Variants in MAP3K15 observed in about 807,000 individuals in gnomAD.
MAP3K15 encodes MAPK/ERK kinase kinase 15.
Under a neutral mutation model 99.5 loss-of-function variants are expected in MAP3K15, and 124 were observed. That is an observed-to-expected ratio of 1.25 (90% CI 1.08 to 1.45). The LOEUF (loss-of-function observed/expected upper bound fraction) is 1.45, where lower values mean the gene tolerates loss of function less well. MAP3K15 is among the 40% of genes most tolerant of loss of function. The pLI, the probability that MAP3K15 is intolerant of heterozygous loss-of-function variation, is 0.00. For missense variants in MAP3K15, 1,242 were observed against 1,079.7 expected, an observed-to-expected ratio of 1.15 and a Z score of -2.11; for synonymous variants, 494 against 439.6, an observed-to-expected ratio of 1.12 and a Z score of -1.55.
chrX:19,478,800 T>C (rs1479773169), intron 3 of MAP3K15, among the ~76,000 whole-genome samples: 1 of 109,326 alleles, frequency 9.1e-6, no homozygotes, highest in Non-Finnish European at 1.9e-5. Context: ...CTTGGAAATT[T>C]AACTCTGCTT....
chrX:19,372,634 C>G lies in MAP3K15; in HGVS notation c.3108+19G>C, dbSNP rs56058646. The G allele has an allele frequency of 6.4e-3, 7,573 of 1,186,116 alleles. 22 individuals are homozygous for G. Among genetic ancestry groups the G allele is most frequent in the Non-Finnish European group, 7.5e-3 (6,605 of 879,767 alleles). Reference sequence around the variant, plus strand: ...GCAGAGGGAGCGGGAAGAGTCGGTGCCCTCCCTCGGGCAAATACCTGGGCC... The same window carrying G: ...GCAGAGGGAGCGGGAAGAGTCGGTGGCCTCCCTCGGGCAAATACCTGGGCC... On this transcript the variant is annotated intron_variant, in intron 22 of 28. Transcript: ENST00000338883.
At chrX:19,462,094 AAG>A (rs1028739086) in intron 4 of MAP3K15, among the ~76,000 whole-genome samples, 7 of 111,204 alleles carry the variant, frequency 6.3e-5, no homozygotes, top group African/African-American at 2.3e-4. Flanking sequence ...GTTCATTAAA[AAG>A]AGAGTAAGCT....
chrX:19,458,024 G>C (rs191265367), intron 5 of MAP3K15, among the ~76,000 whole-genome samples: 42 of 112,339 alleles, frequency 3.7e-4, no homozygotes, highest in African/African-American at 1.3e-3. Context: ...TCTCAGCCAA[G>C]TCCCCTCTTA....
At chrX:19,421,642 C>CCTGCAT (rs2063786287) in intron 9 of MAP3K15, among the ~76,000 whole-genome samples, 3 of 94,686 alleles carry the variant, frequency 3.2e-5, no homozygotes, top group African/African-American at 1.1e-4. Context: ...CCCCATCAAG[C>CCTGCAT]TACCAATGAC....
Position 19,485,308 on chromosome X carries a change from CAAAAAAAAAAAAA to C in MAP3K15, c.525+1161_525+1173del, listed in dbSNP as rs368987947. On this transcript the variant is annotated intron_variant, in intron 3 of 28. Transcript: ENST00000338883. ...TGGCTGACAGAGCGAGACTCTGTCT[CAAAAAAAAAAAAA>C]AAAAAAAAAAAAAAAAAAGTCAAGC... Among the ~76,000 whole-genome samples, 11 of 7,934 alleles carry C rather than the reference CAAAAAAAAAAAAA, an allele frequency of 1.4e-3. No homozygotes were observed. The East Asian group carries it at 0.028, about 20-fold the overall frequency. 6.9% of individuals were successfully genotyped at this position (7,934 alleles called of 115,157 possible). A position where few individuals can be genotyped will look rare whatever the true frequency, so the allele number is the denominator to read the frequency against.
chrX:19,481,471 G>A (rs2064289553), intron 3 of MAP3K15, among the ~76,000 whole-genome samples: 1 of 110,759 alleles, frequency 9.0e-6, no homozygotes, highest in African/African-American at 3.3e-5. Context: ...CCTTGGTTTG[G>A]GCTAAGAGTT....
intron 9 of MAP3K15, among the ~76,000 whole-genome samples, chrX:19,423,160 A>G (rs746890962): frequency 1.8e-5 from 2 of 111,019 alleles, no homozygotes; most frequent in East Asian, 5.6e-4. Flanking sequence ...CATGTACCCT[A>G]AAACTTAAAG....
At chrX:19,361,845 G>A in intron 26 of MAP3K15, 1 of 274,241 alleles carries the variant, frequency 3.6e-6, no homozygotes, top group Admixed American at 6.1e-5. Flanking sequence ...CACTTTAAAT[G>A]CTTATCCCCA....
In MAP3K15 at chrX:19,392,424, C is replaced by T. The variant is rs749076998; in HGVS notation, c.2244G>A (p.Pro748=). The change falls in exon 17 of 29, where the codon CCG becomes CCA. Residue 748 remains proline, a synonymous_variant. Coordinates refer to ENST00000338883, the MANE Select transcript of MAP3K15 (RefSeq NM_001001671.4). The part of the protein sequence containing the change: ...LRSKWGPMKE[P]TIKFYTKQIL... The stretch of plus-strand genomic sequence containing the variant: ...TCTGTTTGGTGTAAAACTTGATTGT[C>T]GGTTCCTTCATCGGCCCCCATTTGG... 5.8e-6 allele frequency: 7 copies of T among 1,208,709 alleles called. No homozygotes were observed. Among genetic ancestry groups the T allele is most frequent in the Admixed American group, 2.2e-5 (1 of 45,630 alleles).
At chrX:19,368,660 C>T (rs1308378241) in intron 25 of MAP3K15, among the ~76,000 whole-genome samples, 1 of 111,372 alleles carries the variant, frequency 9.0e-6, no homozygotes, top group East Asian at 2.8e-4. Flanking sequence ...AAGTGCTAAC[C>T]AACCCCCAAA....
intron 3 of MAP3K15, among the ~76,000 whole-genome samples, chrX:19,479,834 AGT>A (rs2064276743): frequency 8.9e-6 from 1 of 112,407 alleles, no homozygotes; most frequent in Admixed American, 9.5e-5. Flanking sequence ...AGTATAAAAT[AGT>A]GTAAGAATTA....
chrX:19,459,755 C>G (rs1389134561), intron 5 of MAP3K15, among the ~76,000 whole-genome samples: 2 of 112,169 alleles, frequency 1.8e-5, no homozygotes, highest in African/African-American at 6.5e-5. Context: ...GAGGCTGAGG[C>G]AGGAGAACAG....
chrX:19,500,218 G>A (rs1301346644), intron 1 of MAP3K15, among the ~76,000 whole-genome samples: 1 of 111,783 alleles, frequency 8.9e-6, no homozygotes, highest in Non-Finnish European at 1.9e-5. Context: ...CTGCACTCCA[G>A]CCTGGGTGAC....
Position 19,460,119 on chromosome X carries a change from G to A in MAP3K15, c.754C>T (p.Arg252Trp), listed in dbSNP as rs774580769. The A allele has an allele frequency of 8.5e-5, 101 of 1,188,308 alleles. No homozygotes were observed. The highest frequency in any genetic ancestry group is 1.1e-4 in the Non-Finnish European group (96 of 891,306). The change falls in exon 5 of 29, where the codon CGG becomes TGG. Residue 252 changes from arginine (R) to tryptophan (W), a missense_variant. Physicochemically the swap from Arg to Trp is moderately radical, Grantham distance 101. Coordinates refer to ENST00000338883, the MANE Select transcript of MAP3K15 (RefSeq NM_001001671.4). ...CCTTGGTATTTCTCTCTGGCTTTCC[G>A]GATGTCATTTAACAAGGTTTCTTTG... Reference protein sequence around the residue: ...YYKETLLNDIRKAREKYQGEE... With the variant: ...YYKETLLNDIWKAREKYQGEE...
rs758795249 is a variant in MAP3K15 at position 19,362,789 on chromosome X, C to A, written c.3628G>T (p.Glu1210Ter). The stretch of plus-strand genomic sequence containing the variant: ...TGATACAATTCTTGAGTTTTCTGTT[C>A]TAGAGTTTGCCGCAGAAGATTCTGG... Reference protein sequence around the residue: ...EYQNLLRQTLEQKTQELYHLQ... With the variant: ...EYQNLLRQTL The change falls in exon 26 of 29, where the codon GAA becomes TAA. Residue 1210 changes from glutamate (E) to a stop codon, truncating the protein, a stop_gained. Coordinates refer to ENST00000338883, the MANE Select transcript of MAP3K15 (RefSeq NM_001001671.4). LOFTEE classifies it high-confidence loss of function. 3 of 1,195,034 alleles carry A rather than the reference C, an allele frequency of 2.5e-6. No homozygotes were observed. The Admixed American group carries it at 6.6e-5, about 26-fold the overall frequency.
intron 28 of MAP3K15, chrX:19,361,095 T>G: frequency 2.4e-6 from 1 of 420,406 alleles, no homozygotes; most frequent in East Asian, 3.9e-5. Context: ...ACGCTTGCCA[T>G]GTGCCTCCAC....
chrX:19,380,009 C>T lies in MAP3K15; in HGVS notation c.2589+111G>A, dbSNP rs1042046080. The T allele has an allele frequency of 1.4e-5, 12 of 845,678 alleles. No individual in the cohort carries two copies. The African/African-American group carries it at 1.7e-4, about 12-fold the overall frequency. The allele number at this position is 845,678 out of a possible 1,213,427, so 69.7% of individuals were successfully genotyped here. On this transcript the variant is annotated intron_variant, in intron 19 of 28. Coordinates refer to ENST00000338883, the MANE Select transcript of MAP3K15 (RefSeq NM_001001671.4). ...GTTTAATGCTTATCCAATAATAAAA[C>T]TGTTTCCTTCTCTCCTACCTTTGTG...
At chrX:19,473,158 G>A (rs1226932733) in intron 3 of MAP3K15, among the ~76,000 whole-genome samples, 1 of 112,116 alleles carries the variant, frequency 8.9e-6, no homozygotes, top group African/African-American at 3.2e-5. Context: ...GGAGACAGCA[G>A]GAATCCGGAG....
intron 16 of MAP3K15, among the ~76,000 whole-genome samples, chrX:19,393,896 C>T (rs1284068609): frequency 1.9e-5 from 2 of 106,280 alleles, no homozygotes; most frequent in Non-Finnish European, 3.9e-5. Context: ...CCTCAGCCTC[C>T]GGAGTAGCTG....
Sources: gnomAD v4.1 joint callset for allele counts (sites outside exome capture counted in the v4.1 genomes callset) on GRCh38, gnomAD v4.1.1 for gene constraint, MANE v1.5 for transcripts, NCBI Gene and HGNC (gene_info 2026-07-23, HGNC 2026-07-21) for gene names.